Variants in RANBP2 observed in about 807,000 individuals in gnomAD.
The protein encoded by RANBP2 is RAN binding protein 2, also known as E3 SUMO-protein ligase RanBP2.
RANBP2 carries 57 observed loss-of-function variants against 303.6 expected under a neutral mutation model. The ratio of observed to expected loss-of-function variants is 0.19; its 90% CI spans 0.15 to 0.23. RANBP2 has a LOEUF of 0.23. RANBP2 is among the 10% of genes least tolerant of loss of function. The probability of loss-of-function intolerance (pLI) is 1.00; values close to 1 mark genes in which losing one functional copy is unlikely to be tolerated. For synonymous variants in RANBP2, 1,167 were observed against 1,301.5 expected (o/e 0.90, Z 2.23); for missense variants, 3,138 against 3,780.8 (o/e 0.83, Z 4.46).
At chr2:109,578,191 C>T in the RANBP2 span, among the ~76,000 whole-genome samples, 10 of 152,062 alleles carry the variant, frequency 6.6e-5, 1 homozygote, top group African/African-American at 1.4e-4. Context: ...CTAAATATGT[C>T]GGTAATTACA....
At position 108,753,902 on chromosome 2, in the gene RANBP2, G is replaced by C; in HGVS notation, c.2133G>C (p.Leu711=). 6.2e-7 allele frequency: 1 copy of C among 1,612,012 alleles called. No individual in the cohort carries two copies. Among genetic ancestry groups the C allele is most frequent in the South Asian group, 1.1e-5 (1 of 90,994 alleles). The change falls in exon 15 of 29, where the codon CTG becomes CTC. Residue 711 remains leucine, a synonymous_variant. Transcript: ENST00000283195. The stretch of plus-strand genomic sequence containing the variant: ...AACAAGAAGAATGCAAAAATTATCT[G>C]AGAAAGACCAGGGACTACCTAATAA... ...PEEQEECKNY[L]RKTRDYLIKI... is the part of the protein sequence containing the mutation.
the RANBP2 span, among the ~76,000 whole-genome samples, chr2:109,362,259 C>T: frequency 2.0e-5 from 3 of 152,114 alleles, no homozygotes; most frequent in African/African-American, 7.2e-5. Context: ...TGGTAAATTA[C>T]ATCTTCATTT....
the RANBP2 span, among the ~76,000 whole-genome samples, chr2:109,215,237 C>A: frequency 6.6e-6 from 1 of 152,110 alleles, no homozygotes; most frequent in South Asian, 2.1e-4. Context: ...ACTAATGTCA[C>A]GGGCAGAGGA....
At chr2:108,906,026 C>T in the RANBP2 span, among the ~76,000 whole-genome samples, 1 of 146,230 alleles carries the variant, frequency 6.8e-6, no homozygotes, top group African/African-American at 2.8e-5. Context: ...GGCTGCTGCT[C>T]ACCGACCCTG....
At chr2:109,013,694 C>T in the RANBP2 span, among the ~76,000 whole-genome samples, 1 of 151,898 alleles carries the variant, frequency 6.6e-6, no homozygotes, top group Non-Finnish European at 1.5e-5. Context: ...ATTCTCCTGC[C>T]TCAACCTCCT....
the RANBP2 span, among the ~76,000 whole-genome samples, chr2:109,170,316 CCT>C: frequency 7.4e-6 from 1 of 135,734 alleles, no homozygotes; most frequent in East Asian, 2.2e-4. Context: ...TCTCTTCTCT[CCT>C]CTCTCTCTCT....
the RANBP2 span, among the ~76,000 whole-genome samples, chr2:109,391,632 C>G: frequency 5.3e-5 from 8 of 152,296 alleles, no homozygotes; most frequent in Admixed American, 2.0e-4. Flanking sequence ...AGTGCTGGCA[C>G]CAGTGTTTTA....
At chr2:109,398,767 A>G in the RANBP2 span, 1,305 of 1,613,562 alleles carry the variant, frequency 8.1e-4, 1 homozygote, top group Non-Finnish European at 9.7e-4. Context: ...TGGCAAGAAG[A>G]ACACCAAGAA....
At chr2:109,096,573 C>A in the RANBP2 span, among the ~76,000 whole-genome samples, 1 of 152,006 alleles carries the variant, frequency 6.6e-6, no homozygotes, top group Admixed American at 6.6e-5. Context: ...TTTCTGTTAA[C>A]TTTGGAGATT....
chr2:108,939,317 G>A, the RANBP2 span, among the ~76,000 whole-genome samples: 3 of 152,106 alleles, frequency 2.0e-5, no homozygotes, highest in Non-Finnish European at 2.9e-5. Context: ...CTCCGTAGTA[G>A]CTGGGACTAC....
chr2:109,449,458 G>T, the RANBP2 span: 765 of 1,614,004 alleles, frequency 4.7e-4, 3 homozygotes, highest in African/African-American at 8.6e-3. Flanking sequence ...ACCAACACGG[G>T]ATGCAAACTA....
chr2:109,544,543 G>A, the RANBP2 span: 7 of 981,540 alleles, frequency 7.1e-6, no homozygotes, highest in Non-Finnish European at 8.4e-6. Flanking sequence ...ACAACAGCAG[G>A]GTTCTCAAGT....
the RANBP2 span, among the ~76,000 whole-genome samples, chr2:109,355,417 G>T: frequency 6.6e-6 from 1 of 152,174 alleles, no homozygotes; most frequent in African/African-American, 2.4e-5. Flanking sequence ...ACCAAATCCT[G>T]CCTGCCAACT....
At chr2:108,800,610 T>C in the RANBP2 span, among the ~76,000 whole-genome samples, 42 of 19,342 alleles carry the variant, frequency 2.2e-3, 1 homozygote, top group East Asian at 0.082. Flanking sequence ...CAGTTTAGCT[T>C]TTTTTTTTTT....
downstream of RANBP2, chr2:108,786,718 C>A: frequency 9.2e-7 from 1 of 1,089,232 alleles, no homozygotes; most frequent in Non-Finnish European, 1.4e-6. Context: ...GCCGTGCGTG[C>A]CTCGGGGGGG....
the RANBP2 span, among the ~76,000 whole-genome samples, chr2:109,137,024 A>G: frequency 2.0e-5 from 3 of 152,228 alleles, no homozygotes; most frequent in East Asian, 5.8e-4. Flanking sequence ...ACTACAGTGG[A>G]CACTGGGGGC....
chr2:108,787,024 C>T (rs879762784), downstream of RANBP2: 3 of 592,092 alleles, frequency 5.1e-6, no homozygotes, highest in South Asian at 1.5e-4. Context: ...GGTCCCGGCC[C>T]CGGCACTCCC....
chr2:108,861,803 C>T, the RANBP2 span, among the ~76,000 whole-genome samples: 2 of 151,798 alleles, frequency 1.3e-5, no homozygotes, highest in African/African-American at 4.8e-5. Context: ...TCCCAAAGTG[C>T]TGGGATTACA....
At chr2:109,151,063 C>A in the RANBP2 span, among the ~76,000 whole-genome samples, 2 of 152,160 alleles carry the variant, frequency 1.3e-5, no homozygotes, top group African/African-American at 4.8e-5. Flanking sequence ...AATATTGCAT[C>A]ATTGCACAAA....
Sources: gnomAD v4.1 joint callset for allele counts (sites outside exome capture counted in the v4.1 genomes callset) on GRCh38, gnomAD v4.1.1 for gene constraint, MANE v1.5 for transcripts, NCBI Gene and HGNC (gene_info 2026-07-23, HGNC 2026-07-21) for gene names.